ADAMTS17: variants seen among roughly 807,000 people sequenced by gnomAD.
ADAMTS17 encodes the protein ADAM metallopeptidase with thrombospondin type 1 motif 17.
Under a neutral mutation model 141.5 loss-of-function variants are expected in ADAMTS17, and 113 were observed. The ratio of observed to expected loss-of-function variants is 0.80; its 90% CI spans 0.69 to 0.93. The LOEUF (loss-of-function observed/expected upper bound fraction) is 0.93. Ranked by LOEUF, ADAMTS17 falls within the 40% of genes least tolerant of loss-of-function variation. ADAMTS17 has a pLI of 0.00. For missense variants in ADAMTS17, 1,659 were observed against 1,517.9 expected (o/e 1.09, Z -1.54); for synonymous variants, 768 against 630.6 (o/e 1.22, Z -3.27).
chr15:100,211,506 G>A (rs571373306), intron 7 of ADAMTS17, among the ~76,000 whole-genome samples: 8 of 152,056 alleles, frequency 5.3e-5, no homozygotes, highest in Non-Finnish European at 1.0e-4. Context: ...ACACAAGAAT[G>A]GAAACAACTT....
intron 10 of ADAMTS17, among the ~76,000 whole-genome samples, chr15:100,139,555 G>A (rs564152900): frequency 5.9e-5 from 9 of 152,320 alleles, no homozygotes; most frequent in South Asian, 4.1e-4. Context: ...GTTGGGAAAC[G>A]GCTACAGAAA....
intron 15 of ADAMTS17, among the ~76,000 whole-genome samples, chr15:100,055,107 C>T (rs1018041419): frequency 6.6e-6 from 1 of 152,120 alleles, no homozygotes; most frequent in Non-Finnish European, 1.5e-5. Context: ...ATGGGAACTC[C>T]AGGGCACCCT....
Position 100,109,135 on chromosome 15 carries a change from G to C in ADAMTS17, c.1889-19C>G, listed in dbSNP as rs757097225. 3.0e-5 allele frequency: 48 copies of C among 1,598,734 alleles called. No individual in the cohort carries two copies. Among genetic ancestry groups the C allele is most frequent in the African/African-American group, 1.3e-5 (1 of 74,538 alleles). On this transcript the variant is annotated intron_variant, in intron 13 of 21. Coordinates refer to ENST00000268070, the MANE Select transcript of ADAMTS17 (RefSeq NM_139057.4). ...GGCTTATCTGAGGAGGGAAAGGTTG[G>C]AGGACGTTGACACGGGAAGGTGTGC...
At chr15:100,171,516 T>C (rs1287625902) in intron 8 of ADAMTS17, among the ~76,000 whole-genome samples, 1 of 152,170 alleles carries the variant, frequency 6.6e-6, no homozygotes, top group Non-Finnish European at 1.5e-5. Flanking sequence ...AACATCCCTG[T>C]ACCCCAGTGC....
chr15:100,231,197 C>G (rs975841588), intron 7 of ADAMTS17, among the ~76,000 whole-genome samples: 1 of 152,160 alleles, frequency 6.6e-6, no homozygotes, highest in African/African-American at 2.4e-5. Flanking sequence ...TATGTTATGG[C>G]CTACGTTGCT....
At chr15:100,338,515 G>A (rs536914509) in intron 2 of ADAMTS17, among the ~76,000 whole-genome samples, 10 of 152,292 alleles carry the variant, frequency 6.6e-5, no homozygotes, top group South Asian at 6.2e-4. Context: ...TATGCCATCC[G>A]TAGCTGTAGC....
At chr15:100,288,403 T>C (rs905369617) in intron 3 of ADAMTS17, among the ~76,000 whole-genome samples, 1 of 152,094 alleles carries the variant, frequency 6.6e-6, no homozygotes, top group Admixed American at 6.5e-5. Flanking sequence ...ACACAGATAA[T>C]ACATAGTAAC....
At chr15:100,077,283 CAAAA>C (rs71151934) in intron 15 of ADAMTS17, among the ~76,000 whole-genome samples, 1 of 54,606 alleles carries the variant, frequency 1.8e-5, no homozygotes, top group African/African-American at 6.0e-5. Flanking sequence ...ATCTCTACCA[CAAAA>C]AAAAAAAAAA....
intron 18 of ADAMTS17, among the ~76,000 whole-genome samples, chr15:100,017,907 T>C (rs1225720597): frequency 2.6e-5 from 4 of 152,218 alleles, no homozygotes; most frequent in African/African-American, 4.8e-5. Flanking sequence ...TTTGTCGTGG[T>C]AAAATATACA....
At chr15:100,274,086 T>C (rs1056600701) in intron 4 of ADAMTS17, among the ~76,000 whole-genome samples, 1 of 152,234 alleles carries the variant, frequency 6.6e-6, no homozygotes, top group African/African-American at 2.4e-5. Flanking sequence ...GAGACTTAAT[T>C]TGTGACCTAA....
intron 8 of ADAMTS17, among the ~76,000 whole-genome samples, chr15:100,156,506 C>T (rs543359976): frequency 1.7e-4 from 26 of 152,322 alleles, no homozygotes; most frequent in Non-Finnish European, 2.8e-4. Flanking sequence ...TCTCTGATCA[C>T]CCACATGTGA....
At chr15:100,120,281 A>C (rs2037386602) in intron 12 of ADAMTS17, among the ~76,000 whole-genome samples, 1 of 152,144 alleles carries the variant, frequency 6.6e-6, no homozygotes, top group South Asian at 2.1e-4. Context: ...ATTTCAGTTA[A>C]TTTTGCTCAA....
At position 100,185,891 on chromosome 15, in the gene ADAMTS17, C is replaced by T. The variant is rs138288171; in HGVS notation, c.1181+13427G>A. Among the ~76,000 whole-genome samples the T allele has an allele frequency of 7.2e-5, 11 of 152,316 alleles. No individual in the cohort carries two copies. In the East Asian group the frequency reaches 2.1e-3, roughly 29 times the overall value. Reference sequence around the variant, plus strand: ...CTGGTGCCACTTAACCCCTGAAGGGCTTGGCAGGACTAACACCGCCTTCTT... The same window carrying T: ...CTGGTGCCACTTAACCCCTGAAGGGTTTGGCAGGACTAACACCGCCTTCTT... On this transcript the variant is annotated intron_variant, in intron 8 of 21. Transcript: ENST00000268070.
chr15:100,125,732 G>A (rs116156911), intron 12 of ADAMTS17, among the ~76,000 whole-genome samples: 11 of 152,120 alleles, frequency 7.2e-5, no homozygotes, highest in Admixed American at 4.6e-4. Context: ...AGGAAAGGAC[G>A]GGCCTAGGGA....
In ADAMTS17 at chr15:100,133,299, C is replaced by A; in HGVS notation, c.1490G>T (p.Gly497Val). 1.3e-6 allele frequency: 2 copies of A among 1,590,358 alleles called. No individual in the cohort carries two copies. The highest frequency in any genetic ancestry group is 1.7e-6 in the Non-Finnish European group (2 of 1,165,984). Residue 497 changes from glycine to valine, a missense_variant, in exon 11 of 22, where the codon GGA (glycine) becomes GTA (valine). Physicochemically the swap from Gly to Val is moderately radical, Grantham distance 109. Transcript: ENST00000268070. ...GTCTCCTTCTACCAGGCACCACAGT[C>A]CAGCACACATTAGATGCTGCAGGAC... Reference protein sequence around the residue: ...CRNMEHLMCAGLWCLVEGDTS... With the variant: ...CRNMEHLMCAVLWCLVEGDTS...
chr15:100,239,085 G>T (rs775664137), intron 7 of ADAMTS17, among the ~76,000 whole-genome samples: 3 of 152,172 alleles, frequency 2.0e-5, no homozygotes, highest in Non-Finnish European at 4.4e-5. Context: ...GCGAGACTCC[G>T]TCTCAAAAAA....
chr15:100,217,174 G>A (rs990953231), intron 7 of ADAMTS17, among the ~76,000 whole-genome samples: 3 of 152,122 alleles, frequency 2.0e-5, no homozygotes, highest in Non-Finnish European at 4.4e-5. Context: ...CCACCAAAAT[G>A]TCATCTCGGA....
chr15:100,165,078 A>T (rs2039895242), intron 8 of ADAMTS17, among the ~76,000 whole-genome samples: 1 of 152,176 alleles, frequency 6.6e-6, no homozygotes, highest in Non-Finnish European at 1.5e-5. Context: ...AGTAGCCTGG[A>T]CTTGGTAAAA....
intron 3 of ADAMTS17, among the ~76,000 whole-genome samples, chr15:100,282,863 T>C (rs1336160061): frequency 1.3e-5 from 2 of 152,210 alleles, no homozygotes; most frequent in Admixed American, 1.3e-4. Context: ...GAGAAGCCGA[T>C]ATAAATCTGC....
Sources: allele counts gnomAD v4.1 joint callset (sites outside exome capture counted in the v4.1 genomes callset), GRCh38; gene constraint gnomAD v4.1.1; transcripts MANE v1.5; gene names NCBI Gene and HGNC (gene_info 2026-07-23, HGNC 2026-07-21).